OPRM1: variants seen among roughly 807,000 people sequenced by gnomAD.
OPRM1 encodes mu-type opioid receptor.
Under a neutral mutation model 31.8 loss-of-function variants are expected in OPRM1, and 27 were observed. The ratio of observed to expected loss-of-function variants is 0.85; its 90% CI spans 0.63 to 1.17. The LOEUF (loss-of-function observed/expected upper bound fraction) is 1.17, where lower values mean the gene tolerates loss of function less well. OPRM1 is among the 50% of genes most tolerant of loss of function. OPRM1 has a pLI of 0.00. For missense variants in OPRM1, 536 were observed against 511.1 expected (o/e 1.05, Z -0.47); for synonymous variants, 196 against 189.9 (o/e 1.03, Z -0.26).
At chr6:154,060,296 T>C (rs1784132063) in intron 1 of OPRM1, among the ~76,000 whole-genome samples, 1 of 152,170 alleles carries the variant, frequency 6.6e-6, no homozygotes, top group South Asian at 2.1e-4. Context: ...CAAGTGCAAG[T>C]AACCAGGCAT....
chr6:154,021,258 A>T (rs1778350110), intron 1 of OPRM1, among the ~76,000 whole-genome samples: 1 of 152,184 alleles, frequency 6.6e-6, no homozygotes, highest in Non-Finnish European at 1.5e-5. Context: ...ATCAAAAATC[A>T]GTTGATAGTA....
intron 1 of OPRM1, among the ~76,000 whole-genome samples, chr6:154,043,257 T>G (rs1326217272): frequency 6.6e-6 from 1 of 152,188 alleles, no homozygotes; most frequent in Non-Finnish European, 1.5e-5. Flanking sequence ...GTTAGATAAA[T>G]TCTCAATATA....
rs1470708186 is a variant in OPRM1 at position 154,027,008 on chromosome 6, T to TGTAGA, written c.1-12152_1-12148dup. Among the ~76,000 whole-genome samples the TGTAGA allele has an allele frequency of 3.9e-5, 6 of 152,334 alleles. No homozygotes were observed. The East Asian group carries it at 1.2e-3, about 29-fold the overall frequency. ...TATTTTCTTGGATTGTCTTGATACTTGTAGATGTTTGTCTGTGTTTGAGCA... is the reference window on the plus strand; with the variant it reads ...TATTTTCTTGGATTGTCTTGATACTTGTAGAGTAGATGTTTGTCTGTGTTTGAGCA... On this transcript the variant is annotated intron_variant, in intron 1 of 5. Transcript: ENST00000434900.
Position 154,091,130 on chromosome 6 carries a change from C to G in OPRM1, c.822C>G (p.Asp274Glu). 1 of 1,614,188 alleles carries G rather than the reference C, an allele frequency of 6.2e-7. No individual in the cohort carries two copies. The highest frequency in any genetic ancestry group is 8.5e-7 in the Non-Finnish European group (1 of 1,180,028). Residue 274 changes from aspartate (D) to glutamate (E), a missense_variant, in exon 3 of 4, where the codon GAC (aspartate) becomes GAG (glutamate). Asp to Glu is a conservative substitution (Grantham distance 45). Coordinates refer to ENST00000330432, the MANE Select transcript of OPRM1 (RefSeq NM_000914.5). ...TGCTCTCTGGCTCCAAAGAAAAGGA[C>G]AGGAATCTTCGAAGGATCACCAGGA... ...VRMLSGSKEK[D>E]RNLRRITRMV...
chr6:154,052,298 C>A (rs987518888), intron 1 of OPRM1, among the ~76,000 whole-genome samples: 13 of 152,132 alleles, frequency 8.5e-5, no homozygotes, highest in African/African-American at 3.1e-4. Context: ...ACCTGTGTAA[C>A]AAACCTGCAT....
chr6:154,018,891 A>G (rs1411231647), intron 1 of OPRM1, among the ~76,000 whole-genome samples: 1 of 152,154 alleles, frequency 6.6e-6, no homozygotes, highest in Non-Finnish European at 1.5e-5. Flanking sequence ...TTCTGAACAC[A>G]TAATTTCTCC....
At chr6:154,195,603 A>G (rs1017138572) in intron 3 of OPRM1, among the ~76,000 whole-genome samples, 3 of 152,018 alleles carry the variant, frequency 2.0e-5, no homozygotes, top group Admixed American at 6.5e-5. Context: ...CTCCATGTAC[A>G]TATCTTGCCA....
At chr6:154,235,485 C>T (rs1303948177) in intron 3 of OPRM1, among the ~76,000 whole-genome samples, 1 of 146,388 alleles carries the variant, frequency 6.8e-6, no homozygotes, top group East Asian at 2.0e-4. Context: ...CAGCCGAGAT[C>T]GCACCATTGC....
intron 1 of OPRM1, among the ~76,000 whole-genome samples, chr6:154,063,450 C>A (rs895994724): frequency 6.6e-6 from 1 of 151,852 alleles, no homozygotes; most frequent in South Asian, 2.1e-4. Context: ...TCTGCCTCTG[C>A]CATTGTTATT....
At chr6:154,221,123 G>C in intron 3 of OPRM1, 1 of 669,662 alleles carries the variant, frequency 1.5e-6, no homozygotes, top group East Asian at 2.9e-5. Context: ...CATTGTAACT[G>C]CTAAATAAAT....
intron 3 of OPRM1, among the ~76,000 whole-genome samples, chr6:154,150,318 T>A (rs976090331): frequency 1.3e-4 from 20 of 152,256 alleles, no homozygotes; most frequent in African/African-American, 4.8e-4. Flanking sequence ...CTTGCTTCCC[T>A]TGATCCAACC....
Position 154,127,877 on chromosome 6 carries a change from C to T in OPRM1, c.*9156C>T, listed in dbSNP as rs1420275524. On this transcript the variant is annotated 3_prime_UTR_variant, in exon 4 of 4. Coordinates refer to ENST00000330432, the MANE Select transcript of OPRM1 (RefSeq NM_000914.5). The stretch of plus-strand genomic sequence containing the variant: ...TGTAATACAATTTGTTCCCGTCTGC[C>T]CCCAGGCTCACCCAGTGCTCTGTCT... 6.6e-6 allele frequency among the ~76,000 whole-genome samples: 1 copy of T among 152,052 alleles called. No homozygotes were observed. Among genetic ancestry groups the T allele is most frequent in the Non-Finnish European group, 1.5e-5 (1 of 68,012 alleles).
chr6:154,026,817 CTG>C (rs1235027329), intron 1 of OPRM1, among the ~76,000 whole-genome samples: 4 of 152,068 alleles, frequency 2.6e-5, no homozygotes, highest in Admixed American at 6.6e-5. Flanking sequence ...ATTTTAATCT[CTG>C]TTAAATTTAT....
chr6:154,159,070 C>T (rs1018564735), intron 3 of OPRM1: 1 of 152,244 alleles, frequency 6.6e-6, no homozygotes, highest in African/African-American at 2.4e-5. Context: ...ATTCCTATCT[C>T]CTACCATTGA....
chr6:154,231,299 A>G (rs1257716884), intron 3 of OPRM1, among the ~76,000 whole-genome samples: 1 of 152,248 alleles, frequency 6.6e-6, no homozygotes, highest in African/African-American at 2.4e-5. Flanking sequence ...ATTCTCAAAC[A>G]CTGCTGGTGG....
rs1308596240 is a variant in OPRM1, at chr6:154,124,666, T to C, written c.*5945T>C. On this transcript the variant is annotated 3_prime_UTR_variant, in exon 4 of 4. Transcript: ENST00000330432. Reference sequence around the variant, plus strand: ...TGCTCGAAACTAAAGTAAAACTTTATTGAAATACATTAATATGCTCCTGGA... The same window carrying C: ...TGCTCGAAACTAAAGTAAAACTTTACTGAAATACATTAATATGCTCCTGGA... 6.6e-6 allele frequency among the ~76,000 whole-genome samples: 1 copy of C among 152,210 alleles called. No individual in the cohort carries two copies. The highest frequency in any genetic ancestry group is 1.9e-4 in the East Asian group (1 of 5,204).
At chr6:154,172,609 G>A (rs1799965787) in intron 3 of OPRM1, among the ~76,000 whole-genome samples, 1 of 152,206 alleles carries the variant, frequency 6.6e-6, no homozygotes, top group Non-Finnish European at 1.5e-5. Context: ...CATTGCTGAG[G>A]CTTGAGTAGG....
At chr6:154,144,063 G>T (rs180803669) in intron 3 of OPRM1, among the ~76,000 whole-genome samples, 5 of 152,208 alleles carry the variant, frequency 3.3e-5, no homozygotes, top group Admixed American at 3.3e-4. Flanking sequence ...AATAAATTTG[G>T]CAGCTTACAT....
chr6:154,052,567 C>T (rs1389112032), intron 1 of OPRM1, among the ~76,000 whole-genome samples: 1 of 152,114 alleles, frequency 6.6e-6, no homozygotes, highest in Non-Finnish European at 1.5e-5. Context: ...TTTCTTTCAA[C>T]CATTTAAAAA....
Sources: allele counts gnomAD v4.1 joint callset (sites outside exome capture counted in the v4.1 genomes callset), GRCh38; gene constraint gnomAD v4.1.1; transcripts MANE v1.5; gene names NCBI Gene and HGNC (gene_info 2026-07-23, HGNC 2026-07-21).